The following ROBO2 variants were observed in gnomAD, a reference collection of about 807,000 sequenced individuals.
The protein encoded by ROBO2 is roundabout guidance receptor 2, also known as roundabout homolog 2.
Under a neutral mutation model 160.8 loss-of-function variants are expected in ROBO2, and 53 were observed. The observed-to-expected ratio is 0.33, with a 90% confidence interval of 0.26 to 0.41. The LOEUF (loss-of-function observed/expected upper bound fraction) is 0.41, where lower values mean the gene tolerates loss of function less well. Ranked by LOEUF, ROBO2 falls within the 10% of genes least tolerant of loss-of-function variation. The pLI is 1.00. For synonymous variants in ROBO2, 664 were observed against 611.7 expected, an observed-to-expected ratio of 1.09 and a Z score of -1.26; for missense variants, 1,577 against 1,722.4, an observed-to-expected ratio of 0.92 and a Z score of 1.49.
At chr3:76,423,537 C>A (rs2076082359) in intron 2 of ROBO2, among the ~76,000 whole-genome samples, 1 of 152,034 alleles carries the variant, frequency 6.6e-6, no homozygotes, top group Non-Finnish European at 1.5e-5. Flanking sequence ...TGTAAATGAA[C>A]CTGATGTAAC....
chr3:76,736,826 A>C (rs1332036707), intron 2 of ROBO2, among the ~76,000 whole-genome samples: 1 of 152,194 alleles, frequency 6.6e-6, no homozygotes, highest in Non-Finnish European at 1.5e-5. Flanking sequence ...AATCATCACT[A>C]CTTACTAATG....
chr3:76,438,742 T>C (rs190708142), intron 2 of ROBO2, among the ~76,000 whole-genome samples: 3 of 152,250 alleles, frequency 2.0e-5, no homozygotes, highest in Non-Finnish European at 4.4e-5. Context: ...TCATGGTTAA[T>C]GCAGAAACAT....
chr3:77,544,076 A>G (rs1046592331), intron 6 of ROBO2, among the ~76,000 whole-genome samples: 1 of 149,726 alleles, frequency 6.7e-6, no homozygotes, highest in Non-Finnish European at 1.5e-5. Flanking sequence ...TAATTTTTCT[A>G]CAAGATTGCA....
intron 2 of ROBO2, among the ~76,000 whole-genome samples, chr3:77,174,746 C>A (rs1230999984): frequency 6.6e-6 from 1 of 151,996 alleles, no homozygotes; most frequent in Non-Finnish European, 1.5e-5. Context: ...TTTTCAGTCT[C>A]ATTCTTTATT....
intron 2 of ROBO2, among the ~76,000 whole-genome samples, chr3:76,845,306 C>T (rs965303683): frequency 2.0e-5 from 3 of 151,926 alleles, no homozygotes; most frequent in Non-Finnish European, 4.4e-5. Flanking sequence ...AAATCCTTCA[C>T]AAATTATGAA....
intron 2 of ROBO2, among the ~76,000 whole-genome samples, chr3:77,010,527 G>A (rs2061822317): frequency 6.6e-6 from 1 of 152,094 alleles, no homozygotes; most frequent in African/African-American, 2.4e-5. Flanking sequence ...CCTCAGAGCT[G>A]ATCAGACGCT....
At chr3:76,853,429 A>G (rs2069637403) in intron 2 of ROBO2, among the ~76,000 whole-genome samples, 2 of 152,090 alleles carry the variant, frequency 1.3e-5, no homozygotes, top group Admixed American at 1.3e-4. Flanking sequence ...GTGGAGAGTG[A>G]ACAATACTTA....
chr3:77,202,620 C>A (rs2083018942), intron 2 of ROBO2, among the ~76,000 whole-genome samples: 1 of 152,054 alleles, frequency 6.6e-6, no homozygotes, highest in South Asian at 2.1e-4. Context: ...AAATCTAAGA[C>A]AGCCCTCAAC....
intron 2 of ROBO2, among the ~76,000 whole-genome samples, chr3:76,854,046 C>T (rs1419540897): frequency 2.2e-5 from 2 of 90,068 alleles, no homozygotes; most frequent in African/African-American, 7.8e-5. Flanking sequence ...CTCTCTCTCT[C>T]TCTCTCTCTC....
At chr3:76,371,469 T>C (rs999430298) in intron 2 of ROBO2, among the ~76,000 whole-genome samples, 5 of 146,022 alleles carry the variant, frequency 3.4e-5, no homozygotes, top group African/African-American at 1.3e-4. Flanking sequence ...TATTTGCACA[T>C]TGAATAAAGT....
In ROBO2 at chr3:76,089,560, A is replaced by G. The variant is rs140140502; in HGVS notation, c.109+151958A>G. 5.3e-3 allele frequency among the ~76,000 whole-genome samples: 814 copies of G among 152,238 alleles called. 11 individuals carry two copies. Among genetic ancestry groups the G allele is most frequent in the African/African-American group, 0.019 (788 of 41,564 alleles). ...TGAATTAATGTAACCCATCACATCA[A>G]CAGACTGAAGAAGAAAAATTACATG... is the stretch of plus-strand genomic sequence containing the variant. On this transcript the variant is annotated intron_variant, in intron 2 of 26. Transcript: ENST00000487694.
chr3:76,350,669 G>A (rs2074817393), intron 2 of ROBO2, among the ~76,000 whole-genome samples: 1 of 151,812 alleles, frequency 6.6e-6, no homozygotes, highest in South Asian at 2.1e-4. Context: ...TACTTTAATG[G>A]GAGCTTATTT....
intron 2 of ROBO2, among the ~76,000 whole-genome samples, chr3:76,553,240 G>T (rs2083519747): frequency 6.6e-6 from 1 of 152,126 alleles, no homozygotes; most frequent in Non-Finnish European, 1.5e-5. Flanking sequence ...CATTGAGAAG[G>T]AGCAACATTT....
At chr3:77,125,923 T>C (rs1018369664) in intron 2 of ROBO2, among the ~76,000 whole-genome samples, 1 of 152,190 alleles carries the variant, frequency 6.6e-6, no homozygotes, top group African/African-American at 2.4e-5. Flanking sequence ...GTTTCACTTA[T>C]ATAATTAAAG....
intron 2 of ROBO2, among the ~76,000 whole-genome samples, chr3:76,968,869 T>G (rs1045559757): frequency 6.6e-6 from 1 of 152,190 alleles, no homozygotes; most frequent in Non-Finnish European, 1.5e-5. Context: ...CCTTCAGACA[T>G]TTACATTTTT....
chr3:76,582,316 A>G (rs530558512), intron 2 of ROBO2, among the ~76,000 whole-genome samples: 2 of 152,298 alleles, frequency 1.3e-5, no homozygotes, highest in South Asian at 4.1e-4. Flanking sequence ...CCAGATGTTT[A>G]GCCTGCTAGT....
chr3:76,543,978 T>A (rs1333465302), intron 2 of ROBO2, among the ~76,000 whole-genome samples: 2 of 152,054 alleles, frequency 1.3e-5, no homozygotes, highest in Non-Finnish European at 2.9e-5. Context: ...TCTGAATACA[T>A]GCTCTTCATT....
At chr3:77,585,057 T>A (rs2094010959) in intron 16 of ROBO2, among the ~76,000 whole-genome samples, 1 of 150,918 alleles carries the variant, frequency 6.6e-6, no homozygotes, top group Admixed American at 6.6e-5. Flanking sequence ...TGAAATGGAT[T>A]GGCTGAATAT....
At chr3:76,853,767 G>C (rs1201647471) in intron 2 of ROBO2, among the ~76,000 whole-genome samples, 1 of 152,040 alleles carries the variant, frequency 6.6e-6, no homozygotes, top group Non-Finnish European at 1.5e-5. Context: ...TTCTGTCTCA[G>C]TATAAACTCA....
Sources: allele counts gnomAD v4.1 joint callset (sites outside exome capture counted in the v4.1 genomes callset), GRCh38; gene constraint gnomAD v4.1.1; transcripts MANE v1.5; gene names NCBI Gene and HGNC (gene_info 2026-07-23, HGNC 2026-07-21).